SCIN: variants seen among roughly 807,000 people sequenced by gnomAD.
SCIN encodes the protein scinderin, also known as adseverin.
A neutral mutation model predicts 91.8 loss-of-function variants in SCIN; 91 were observed. The ratio of observed to expected loss-of-function variants is 0.99; its 90% confidence interval spans 0.84 to 1.18. The LOEUF (loss-of-function observed/expected upper bound fraction) is 1.18. SCIN is among the 50% of genes most tolerant of loss of function. The pLI is 0.00. For synonymous variants in SCIN, 367 were observed against 312.6 expected (o/e 1.17, Z -1.84); for missense variants, 1,087 against 863.9 (o/e 1.26, Z -3.24).
At chr7:12,643,360 G>C (rs1783893900) in intron 11 of SCIN, among the ~76,000 whole-genome samples, 1 of 152,184 alleles carries the variant, frequency 6.6e-6, no homozygotes, top group Middle Eastern at 3.4e-3. Flanking sequence ...CATCATCCGG[G>C]CTCTTTCCTC....
chr7:12,638,663 A>G (rs117355299), intron 10 of SCIN, among the ~76,000 whole-genome samples: 3,485 of 152,332 alleles, frequency 0.023, 53 homozygotes, highest in Non-Finnish European at 0.036. Context: ...ACTTCAGAAC[A>G]TAAAGTATAA....
At chr7:12,600,142 C>T (rs1782928608) in intron 3 of SCIN, among the ~76,000 whole-genome samples, 1 of 152,146 alleles carries the variant, frequency 6.6e-6, no homozygotes, top group South Asian at 2.1e-4. Flanking sequence ...TTTATGGTTT[C>T]AGGTCTTAGA....
chr7:12,612,953 C>T (rs925858466), intron 4 of SCIN, among the ~76,000 whole-genome samples: 5 of 152,122 alleles, frequency 3.3e-5, no homozygotes, highest in African/African-American at 1.2e-4. Context: ...CACCACTTGG[C>T]AATCATCTCT....
At chr7:12,636,161 T>C in intron 10 of SCIN, 26 bp downstream of exon 10, 2 of 1,558,522 alleles carry the variant, frequency 1.3e-6, no homozygotes, top group South Asian at 1.1e-5. Flanking sequence ...CCCCCAAAAC[T>C]CACACAAGTT....
intron 3 of SCIN, among the ~76,000 whole-genome samples, chr7:12,599,370 A>AGTGTGTGTGTGT (rs10659954): frequency 7.4e-5 from 11 of 149,234 alleles, no homozygotes; most frequent in African/African-American, 2.5e-4. Context: ...TTTCATGGTG[A>AGTGTGTGTGTGT]GTGTGTGTGT....
chr7:12,632,512 T>C (rs1477493757), intron 9 of SCIN, among the ~76,000 whole-genome samples: 1 of 152,084 alleles, frequency 6.6e-6, no homozygotes, highest in African/African-American at 2.4e-5. Flanking sequence ...GGAAGACCAC[T>C]GGGAATGTGT....
intron 5 of SCIN, among the ~76,000 whole-genome samples, chr7:12,623,459 C>T (rs1343453843): frequency 6.6e-6 from 1 of 152,168 alleles, no homozygotes; most frequent in African/African-American, 2.4e-5. Flanking sequence ...CACTCTGGGT[C>T]TAAGTATTCT....
In SCIN at chr7:12,651,801, TC is replaced by T; in HGVS notation, c.1960-37del. On this transcript the variant is annotated intron_variant, in intron 14 of 15. Transcript: ENST00000297029. The surrounding 1 kb of genome is among the most constrained non-coding windows in gnomAD (Gnocchi z 5.9). ...CATAGGGCCTAGCACTGAGTCAACA[TC>T]CCAGAAATCATACATATTGTTATTG... 1 of 1,329,942 alleles carries T rather than the reference TC, an allele frequency of 7.5e-7. No homozygotes were observed. Among genetic ancestry groups the T allele is most frequent in the Non-Finnish European group, 1.1e-6 (1 of 941,504 alleles). The allele number at this position is 1,329,942 out of a possible 1,614,324, so 82.4% of individuals were successfully genotyped here.
intron 4 of SCIN, among the ~76,000 whole-genome samples, chr7:12,612,952 G>A (rs374742469): frequency 2.6e-5 from 4 of 152,222 alleles, no homozygotes; most frequent in East Asian, 3.9e-4. Flanking sequence ...ACACCACTTG[G>A]CAATCATCTC....
chr7:12,651,916 T>C lies in SCIN; in HGVS notation c.2020+15T>C, dbSNP rs764354553. 2 of 1,581,990 alleles carry C rather than the reference T, an allele frequency of 1.3e-6. No homozygotes were observed. Among genetic ancestry groups the C allele is most frequent in the Admixed American group, 1.7e-5 (1 of 58,662 alleles). On this transcript the variant is annotated intron_variant, in intron 15 of 15. Transcript: ENST00000297029. This position sits in a 1 kb window ranked among gnomAD's most constrained non-coding sequence, Gnocchi z 5.9. The stretch of plus-strand genomic sequence containing the variant: ...TCTGAAGTCTGGTAAGCTCAATCGA[T>C]GGACCATTATAGCAGTAACCGGGCA...
intron 3 of SCIN, among the ~76,000 whole-genome samples, chr7:12,584,468 G>A (rs1167619647): frequency 1.3e-5 from 2 of 152,132 alleles, no homozygotes; most frequent in Non-Finnish European, 2.9e-5. Context: ...TTATTAATAT[G>A]TTATTCCATA....
At chr7:12,587,272 G>A (rs1373606368) in intron 3 of SCIN, among the ~76,000 whole-genome samples, 6 of 152,192 alleles carry the variant, frequency 3.9e-5, no homozygotes, top group Non-Finnish European at 7.3e-5. Flanking sequence ...CATTAAAGCA[G>A]TTTGAACTTA....
chr7:12,615,550 C>T (rs1263920667), intron 4 of SCIN, among the ~76,000 whole-genome samples: 1 of 152,068 alleles, frequency 6.6e-6, no homozygotes, highest in Non-Finnish European at 1.5e-5. Context: ...CTTTTTTCTT[C>T]ATTAATTACC....
rs1782412501 is a variant in SCIN at position 12,578,102 on chromosome 7, A to G, written c.238A>G (p.Ile80Val). 2 of 1,548,706 alleles carry G rather than the reference A, an allele frequency of 1.3e-6. No homozygotes were observed. Among genetic ancestry groups the G allele is most frequent in the East Asian group, 2.5e-5 (1 of 40,644 alleles). Residue 80 changes from isoleucine (I) to valine (V), a missense_variant, in exon 2 of 16, where the codon ATC becomes GTC. By Grantham distance (29) the Ile-to-Val change is conservative. Coordinates refer to ENST00000297029, the MANE Select transcript of SCIN (RefSeq NM_001112706.3). ...CSQDESTAAA[I>V]FTVQMDDYLG... ...CCAGGATGAAAGCACAGCTGCTGCC[A>G]TCTTCACTGTTCAGATGGATGACTA...
At chr7:12,593,641 C>G (rs1168872426) in intron 3 of SCIN, among the ~76,000 whole-genome samples, 3 of 152,166 alleles carry the variant, frequency 2.0e-5, no homozygotes, top group African/African-American at 7.2e-5. Context: ...GGATTTTCAT[C>G]TGCCTTTTGG....
In SCIN at chr7:12,581,102, G is replaced by A. The variant is rs1033709039; in HGVS notation, c.397G>A (p.Asp133Asn). 1.7e-5 allele frequency: 27 copies of A among 1,551,160 alleles called. No individual in the cohort carries two copies. Among genetic ancestry groups the A allele is most frequent in the Non-Finnish European group, 2.0e-5 (23 of 1,146,776 alleles). Reference sequence around the variant, plus strand: ...TGGATTAAATCATGTTCTTACGAACGACCTGACAGCCAAGAGGCTCCTACA... The same window carrying A: ...TGGATTAAATCATGTTCTTACGAACAACCTGACAGCCAAGAGGCTCCTACA... ...ASGLNHVLTN[D>N]LTAKRLLHVK... Residue 133 changes from aspartate to asparagine, a missense_variant, in exon 3 of 16, where the codon GAC (aspartate) becomes AAC (asparagine). By Grantham distance (23) the Asp-to-Asn change is conservative (BLOSUM62 1). Transcript: ENST00000297029.
At chr7:12,574,859 G>T (rs1177569701) in intron 1 of SCIN, among the ~76,000 whole-genome samples, 2 of 152,100 alleles carry the variant, frequency 1.3e-5, no homozygotes, top group Non-Finnish European at 2.9e-5. Flanking sequence ...CAATAAGCCT[G>T]TATATGTCTA....
chr7:12,576,046 T>A (rs1362697665), intron 1 of SCIN, among the ~76,000 whole-genome samples: 1 of 152,192 alleles, frequency 6.6e-6, no homozygotes, highest in Non-Finnish European at 1.5e-5. Flanking sequence ...TCCATTTACA[T>A]CTACCTAAAG....
chr7:12,597,214 T>C (rs1201295745), intron 3 of SCIN, among the ~76,000 whole-genome samples: 1 of 152,210 alleles, frequency 6.6e-6, no homozygotes, highest in African/African-American at 2.4e-5. Flanking sequence ...TGGAGTTATC[T>C]CACAAATCAT....
Sources: allele counts gnomAD v4.1 joint callset (sites outside exome capture counted in the v4.1 genomes callset), GRCh38; gene constraint gnomAD v4.1.1; non-coding constraint Gnocchi (gnomAD v3.1); transcripts MANE v1.5; gene names NCBI Gene and HGNC (gene_info 2026-07-23, HGNC 2026-07-21).